Variants in ZNG1B observed in about 807,000 individuals in gnomAD.
ZNG1B encodes Zn regulated GTPase metalloprotein activator 1B.
At chr2:113,462,489 A>G in the ZNG1B span, 2 of 1,595,254 alleles carry the variant, frequency 1.3e-6, no homozygotes, top group Non-Finnish European at 8.5e-7. Context: ...TAAGAGCGAC[A>G]ATTAGGTACG....
chr2:113,445,968 A>G, the ZNG1B span, among the ~76,000 whole-genome samples: 1 of 152,124 alleles, frequency 6.6e-6, no homozygotes, highest in Non-Finnish European at 1.5e-5. Context: ...CAATTACATA[A>G]TAACATCATC....
chr2:113,445,463 T>G, the ZNG1B span: 3 of 191,026 alleles, frequency 1.6e-5, no homozygotes, highest in African/African-American at 7.1e-5. Context: ...TAAAATGGTG[T>G]AGTATTTGCC....
At chr2:113,471,202 G>A in the ZNG1B span, 35 of 1,415,346 alleles carry the variant, frequency 2.5e-5, 1 homozygote, top group Admixed American at 6.1e-4. Flanking sequence ...CCATTCCTTT[G>A]GCATACAAGA....
At chr2:113,455,877 C>T in the ZNG1B span, among the ~76,000 whole-genome samples, 96 of 134,346 alleles carry the variant, frequency 7.1e-4, no homozygotes, top group African/African-American at 2.7e-3. Context: ...CACCACCATG[C>T]CCAGCTAATT....
chr2:113,488,343 C>T, the ZNG1B span, among the ~76,000 whole-genome samples: 116 of 152,216 alleles, frequency 7.6e-4, no homozygotes, highest in Admixed American at 3.8e-3. Flanking sequence ...GGGAACACCC[C>T]GTAGGACGAA....
the ZNG1B span, among the ~76,000 whole-genome samples, chr2:113,456,287 A>G: frequency 2.6e-5 from 4 of 152,308 alleles, no homozygotes; most frequent in East Asian, 1.9e-4. Context: ...AAAAATTCCA[A>G]TGACTGTTGA....
At chr2:113,445,443 G>A in the ZNG1B span, 1 of 197,672 alleles carries the variant, frequency 5.1e-6, no homozygotes, top group Non-Finnish European at 1.0e-5. Flanking sequence ...TAATGTTCAA[G>A]TCCCTTACAT....
chr2:113,443,472 A>G, the ZNG1B span, among the ~76,000 whole-genome samples: 1 of 151,562 alleles, frequency 6.6e-6, no homozygotes, highest in African/African-American at 2.4e-5. Flanking sequence ...AAATGCCTTC[A>G]AGATAGCTAC....
chr2:113,439,148 C>T, the ZNG1B span: 109 of 1,400,324 alleles, frequency 7.8e-5, no homozygotes, highest in Admixed American at 5.9e-4. Context: ...AGAAAATGAT[C>T]TGAAGCTCAG....
the ZNG1B span, among the ~76,000 whole-genome samples, chr2:113,443,210 C>T: frequency 3.9e-5 from 6 of 152,102 alleles, no homozygotes; most frequent in Admixed American, 6.5e-5. Context: ...CCTCGTGATC[C>T]GCCCGCCTTG....
At chr2:113,456,528 G>A in the ZNG1B span, among the ~76,000 whole-genome samples, 1 of 151,600 alleles carries the variant, frequency 6.6e-6, no homozygotes, top group Non-Finnish European at 1.5e-5. Flanking sequence ...ATGATTATAG[G>A]AATAATTTTA....
chr2:113,473,662 T>C, the ZNG1B span, among the ~76,000 whole-genome samples: 6 of 148,748 alleles, frequency 4.0e-5, no homozygotes, highest in South Asian at 8.6e-4. Flanking sequence ...ATACGTCCCA[T>C]CAATACCTAA....
chr2:113,488,603 T>TA, the ZNG1B span, among the ~76,000 whole-genome samples: 113 of 128,682 alleles, frequency 8.8e-4, 1 homozygote, highest in South Asian at 5.1e-3. Context: ...TGTAAAGATA[T>TA]AAAAAAAAAA....
chr2:113,446,304 A>G, the ZNG1B span, among the ~76,000 whole-genome samples: 1 of 152,206 alleles, frequency 6.6e-6, no homozygotes, highest in Admixed American at 6.5e-5. Flanking sequence ...AATTGTAGTT[A>G]TAAAAAATCT....
At chr2:113,444,908 A>C in the ZNG1B span, 1 of 1,602,704 alleles carries the variant, frequency 6.2e-7, no homozygotes, top group Non-Finnish European at 8.5e-7. Context: ...TGTTTATAAT[A>C]ATCACTTCAA....
the ZNG1B span, among the ~76,000 whole-genome samples, chr2:113,477,105 C>T: frequency 3.2e-3 from 482 of 152,322 alleles, 6 homozygotes; most frequent in African/African-American, 0.011. Context: ...TGGCGGGCGC[C>T]CCTCCCCCAG....
At chr2:113,490,540 A>G in the ZNG1B span, among the ~76,000 whole-genome samples, 2 of 152,202 alleles carry the variant, frequency 1.3e-5, no homozygotes, top group Admixed American at 6.5e-5. Context: ...TAAATGAAAC[A>G]AAAAGCTGGT....
the ZNG1B span, among the ~76,000 whole-genome samples, chr2:113,438,652 G>A: frequency 2.0e-5 from 3 of 151,666 alleles, no homozygotes; most frequent in Non-Finnish European, 4.4e-5. Context: ...GAAACCACAA[G>A]TTTGTGAACT....
the ZNG1B span, chr2:113,444,972 G>C: frequency 1.2e-6 from 2 of 1,610,456 alleles, no homozygotes; most frequent in South Asian, 1.1e-5. Flanking sequence ...AGGGACAATG[G>C]CCTTAGAGCT....
Sources: gnomAD v4.1 joint callset for allele counts (sites outside exome capture counted in the v4.1 genomes callset) on GRCh38, gnomAD v4.1.1 for gene constraint, MANE v1.5 for transcripts, NCBI Gene and HGNC (gene_info 2026-07-23, HGNC 2026-07-21) for gene names.